The following DCDC2 variants were observed in gnomAD, a reference collection of about 807,000 sequenced individuals.
The protein encoded by DCDC2 is doublecortin domain containing 2.
A neutral mutation model predicts 50.2 loss-of-function variants in DCDC2; 40 were observed. The ratio of observed to expected loss-of-function variants is 0.80; its 90% CI spans 0.62 to 1.04. DCDC2 has a LOEUF of 1.04. Ranked by LOEUF, DCDC2 falls within the 50% of genes least tolerant of loss-of-function variation. The pLI is 0.00. For missense variants in DCDC2, 570 were observed against 581.9 expected, an observed-to-expected ratio of 0.98 and a Z score of 0.21; for synonymous variants, 234 against 210.6, an observed-to-expected ratio of 1.11 and a Z score of -0.96.
At position 24,303,995 on chromosome 6, in the gene DCDC2, CT is replaced by C. The variant is rs1182448736; in HGVS notation, c.349-1952del. ...AGAGAAACAAGAATGAATATTTTTT[CT>C]GTGACTCTCAAGTGCCTAAAACAGT... On this transcript the variant is annotated intron_variant, in intron 2 of 9. Coordinates refer to ENST00000378454, the MANE Select transcript of DCDC2 (RefSeq NM_016356.5). 2.6e-5 allele frequency among the ~76,000 whole-genome samples: 4 copies of C among 152,306 alleles called. No individual in the cohort carries two copies. In the East Asian group the frequency reaches 5.8e-4, roughly 22 times the overall value.
chr6:24,179,745 G>C (rs1385734793), intron 8 of DCDC2, among the ~76,000 whole-genome samples: 1 of 149,508 alleles, frequency 6.7e-6, no homozygotes, highest in Non-Finnish European at 1.5e-5. Context: ...ACGAGGTCAG[G>C]AGATTGAGAC....
At chr6:24,321,635 T>C (rs912119202) in intron 2 of DCDC2, among the ~76,000 whole-genome samples, 2 of 152,224 alleles carry the variant, frequency 1.3e-5, no homozygotes, top group African/African-American at 4.8e-5. Flanking sequence ...CTTAGGCCTT[T>C]TGTCAACTTT....
At position 24,255,382 on chromosome 6, in the gene DCDC2, A is replaced by G. The variant is rs181931054; in HGVS notation, c.922+22667T>C. Among the ~76,000 whole-genome samples, 349 of 150,198 alleles carry G rather than the reference A, an allele frequency of 2.3e-3. 1 individual carries two copies. The highest frequency in any genetic ancestry group is 8.2e-3 in the African/African-American group (334 of 40,764). ...AAGTCATAGCACTGAAAAAAAAAAA[A>G]GGAAAACAAGCTTCCAGAAGAAAAC... is the stretch of plus-strand genomic sequence containing the variant. On this transcript the variant is annotated intron_variant, in intron 7 of 9. Transcript: ENST00000378454.
intron 7 of DCDC2, among the ~76,000 whole-genome samples, chr6:24,227,112 G>A (rs1248071811): frequency 6.6e-6 from 1 of 152,168 alleles, no homozygotes; most frequent in Admixed American, 6.6e-5. Context: ...GCAGACGGGA[G>A]TATGACAAAA....
intron 7 of DCDC2, among the ~76,000 whole-genome samples, chr6:24,220,895 C>CGAGAGCGAGAGAGACAGA (rs1208469095): frequency 8.5e-6 from 1 of 117,158 alleles, no homozygotes; most frequent in Non-Finnish European, 2.0e-5. Context: ...AGAGAGTGAG[C>CGAGAGCGAGAGAGACAGA]GAGCGAGCGA....
intron 2 of DCDC2, among the ~76,000 whole-genome samples, chr6:24,312,227 CT>C (rs1554118343): frequency 6.6e-6 from 1 of 151,890 alleles, no homozygotes; most frequent in Non-Finnish European, 1.5e-5. Flanking sequence ...TTGCTGACTC[CT>C]TTTTCGGACT....
At position 24,188,375 on chromosome 6, in the gene DCDC2, C is replaced by T. The variant is rs1229856160; in HGVS notation, c.1024-9743G>A. Among the ~76,000 whole-genome samples the T allele has an allele frequency of 2.0e-5, 3 of 152,182 alleles. No individual in the cohort carries two copies. In the East Asian group the frequency reaches 5.8e-4, roughly 29 times the overall value. On this transcript the variant is annotated intron_variant, in intron 8 of 9. Coordinates refer to ENST00000378454, the MANE Select transcript of DCDC2 (RefSeq NM_016356.5). Reference sequence around the variant, plus strand: ...TTTTATCTTAAAAGTTACCAATTTACTGAAAGTTGGAAGACAATGGAAGGA... The same window carrying T: ...TTTTATCTTAAAAGTTACCAATTTATTGAAAGTTGGAAGACAATGGAAGGA...
At chr6:24,180,307 C>T (rs1369066170) in intron 8 of DCDC2, among the ~76,000 whole-genome samples, 1 of 151,748 alleles carries the variant, frequency 6.6e-6, no homozygotes, top group Non-Finnish European at 1.5e-5. Flanking sequence ...TTTTTTGAGA[C>T]AGAGTCTTGC....
rs1429289138 is a variant in DCDC2 at position 24,174,116 on chromosome 6, A to G, written c.*614T>C. 6.6e-6 allele frequency: 1 copy of G among 152,338 alleles called. No homozygotes were observed. Among genetic ancestry groups the G allele is most frequent in the Non-Finnish European group, 1.5e-5 (1 of 68,058 alleles). 9.4% of individuals were successfully genotyped at this position (152,338 alleles called of 1,614,324 possible). A position where few individuals can be genotyped will look rare whatever the true frequency, so the allele number is the denominator to read the frequency against. ...ATTTAAGTGACGGCATGGCGATACTAGTCACTAACACTCTGAACCAATGCT... is the reference window on the plus strand; with the variant it reads ...ATTTAAGTGACGGCATGGCGATACTGGTCACTAACACTCTGAACCAATGCT... On this transcript the variant is annotated 3_prime_UTR_variant, in exon 10 of 10. Coordinates refer to ENST00000378454, the MANE Select transcript of DCDC2 (RefSeq NM_016356.5).
chr6:24,357,632 T>C lies in DCDC2; in HGVS notation c.119A>G (p.Lys40Arg). Residue 40 changes from lysine (K) to arginine (R), a missense_variant, in exon 1 of 10, where the codon AAG (lysine) becomes AGG (arginine). Physicochemically the swap from Lys to Arg is conservative, Grantham distance 26. Coordinates refer to ENST00000378454, the MANE Select transcript of DCDC2 (RefSeq NM_016356.5). The part of the protein sequence containing the change: ...AGRRVVIHEK[K>R]VSSFEVFLKE... Reference sequence around the variant, plus strand: ...CAGGAAGACTTCGAAGCTGGACACCTTCTTCTCATGGATGACGACGCGGCG... The same window carrying C: ...CAGGAAGACTTCGAAGCTGGACACCCTCTTCTCATGGATGACGACGCGGCG... The C allele has an allele frequency of 6.2e-7, 1 of 1,613,488 alleles. No homozygotes were observed. The highest frequency in any genetic ancestry group is 8.5e-7 in the Non-Finnish European group (1 of 1,180,044).
intron 8 of DCDC2, among the ~76,000 whole-genome samples, chr6:24,184,059 G>C (rs981158495): frequency 2.6e-5 from 4 of 152,200 alleles, no homozygotes; most frequent in African/African-American, 9.7e-5. Context: ...ATTAGACAAA[G>C]AGAGTAAATG....
chr6:24,266,771 G>C (rs1763130965), intron 7 of DCDC2, among the ~76,000 whole-genome samples: 1 of 152,080 alleles, frequency 6.6e-6, no homozygotes, highest in Non-Finnish European at 1.5e-5. Context: ...ACTAAAAATA[G>C]AACTACCATA....
Position 24,257,710 on chromosome 6 carries a change from G to A in DCDC2, c.922+20339C>T, listed in dbSNP as rs1250606573. Among the ~76,000 whole-genome samples the A allele has an allele frequency of 2.0e-5, 3 of 150,256 alleles. No homozygotes were observed. The East Asian group carries it at 5.8e-4, about 29-fold the overall frequency. Reference sequence around the variant, plus strand: ...CCTGAAGTTGGGGAAAAAAAAAAAAGGCCATGAAAGTGACAAGCTTCTAAA... The same window carrying A: ...CCTGAAGTTGGGGAAAAAAAAAAAAAGCCATGAAAGTGACAAGCTTCTAAA... On this transcript the variant is annotated intron_variant, in intron 7 of 9. Transcript: ENST00000378454.
chr6:24,204,894 A>C, intron 8 of DCDC2, 108 bp downstream of exon 8: 1 of 987,852 alleles, frequency 1.0e-6, no homozygotes, highest in Non-Finnish European at 1.5e-6. Context: ...AGTACCTTAG[A>C]GGGTTTAATT....
chr6:24,280,996 C>T (rs926724093), intron 6 of DCDC2, among the ~76,000 whole-genome samples: 14 of 152,216 alleles, frequency 9.2e-5, no homozygotes, highest in African/African-American at 3.4e-4. Context: ...TCATTTTCTG[C>T]AGTTCTCTGG....
At chr6:24,307,442 T>C (rs1382187582) in intron 2 of DCDC2, among the ~76,000 whole-genome samples, 1 of 152,208 alleles carries the variant, frequency 6.6e-6, no homozygotes, top group African/African-American at 2.4e-5. Flanking sequence ...GTAGTGAAAT[T>C]TCTTACTTGC....
At chr6:24,289,680 G>A (rs1359148728) in intron 5 of DCDC2, among the ~76,000 whole-genome samples, 1 of 152,090 alleles carries the variant, frequency 6.6e-6, no homozygotes, top group African/African-American at 2.4e-5. Flanking sequence ...ATAATTCAAA[G>A]GTGCTAGAAA....
intron 7 of DCDC2, among the ~76,000 whole-genome samples, chr6:24,215,442 AAC>A (rs947949873): frequency 1.3e-5 from 2 of 152,106 alleles, no homozygotes; most frequent in Non-Finnish European, 2.9e-5. Context: ...GCGTCCTGGA[AAC>A]AGAGTTGCCT....
chr6:24,180,205 T>C (rs1761038825), intron 8 of DCDC2, among the ~76,000 whole-genome samples: 1 of 152,132 alleles, frequency 6.6e-6, no homozygotes, highest in Admixed American at 6.5e-5. Context: ...GGAAATCCCT[T>C]CCCATTTGTT....
Sources: gnomAD v4.1 joint callset for allele counts (sites outside exome capture counted in the v4.1 genomes callset) on GRCh38, gnomAD v4.1.1 for gene constraint, MANE v1.5 for transcripts, NCBI Gene and HGNC (gene_info 2026-07-23, HGNC 2026-07-21) for gene names.